Variants in RORB observed in about 807,000 individuals in gnomAD.
RORB encodes nuclear receptor ROR-beta.
A neutral mutation model predicts 59.1 loss-of-function variants in RORB; 6 were observed. The observed-to-expected ratio is 0.10, with a 90% CI of 0.06 to 0.20. The LOEUF is 0.20. RORB is among the 10% of genes least tolerant of loss of function. RORB has a pLI of 1.00. For synonymous variants in RORB, 215 were observed against 204.5 expected (o/e 1.05, Z -0.44); for missense variants, 320 against 560.5 (o/e 0.57, Z 4.33).
chr9:74,640,626 A>G (rs1474606025), intron 3 of RORB, among the ~76,000 whole-genome samples: 2 of 152,176 alleles, frequency 1.3e-5, no homozygotes, highest in Admixed American at 1.3e-4. Context: ...ATACAGAAAG[A>G]GTTTGGCTTC....
intron 1 of RORB, among the ~76,000 whole-genome samples, chr9:74,565,811 C>T (rs1389374468): frequency 2.6e-5 from 4 of 152,048 alleles, no homozygotes; most frequent in Non-Finnish European, 4.4e-5. Flanking sequence ...AGATCTCCTA[C>T]TTTCATCATC....
Position 74,692,396 on chromosome 9 carries a change from T to C in RORB, c.*6778T>C, listed in dbSNP as rs1420550666. ...AAATCCCTAACAATGCTTCCTTGCT[T>C]TTAGGATTGAGAGAAATGATTTTCA... On this transcript the variant is annotated 3_prime_UTR_variant, in exon 10 of 10. Transcript: ENST00000376896. 2.0e-5 allele frequency: 3 copies of C among 152,200 alleles called. No individual in the cohort carries two copies. Among genetic ancestry groups the C allele is most frequent in the African/African-American group, 4.8e-5 (2 of 41,444 alleles). 9.4% of individuals were successfully genotyped at this position (152,200 alleles called of 1,614,324 possible).
chr9:74,660,606 T>G lies in RORB; in HGVS notation c.638-11T>G. ...ATTCACAAACCTTTGAATTGATATC[T>G]TTTCTCACAGACCGAATTGCACAGA... On this transcript the variant is annotated splice_polypyrimidine_tract_variant and intron_variant, in intron 4 of 9. Coordinates refer to ENST00000376896, the MANE Select transcript of RORB (RefSeq NM_006914.4). 6.2e-7 allele frequency: 1 copy of G among 1,603,726 alleles called. No homozygotes were observed.
At chr9:74,647,797 C>T (rs545954207) in intron 4 of RORB, among the ~76,000 whole-genome samples, 1 of 152,262 alleles carries the variant, frequency 6.6e-6, no homozygotes, top group Non-Finnish European at 1.5e-5. Context: ...CATAAAAATA[C>T]AGAAGATTTT....
chr9:74,563,585 A>C (rs952323631), intron 1 of RORB, among the ~76,000 whole-genome samples: 3 of 152,148 alleles, frequency 2.0e-5, no homozygotes, highest in African/African-American at 7.2e-5. Context: ...TGTTTCCTCC[A>C]TATGGATTTG....
intron 8 of RORB, 37 bp downstream of exon 8, chr9:74,667,938 C>T (rs760453862): frequency 2.2e-6 from 3 of 1,340,058 alleles, no homozygotes; most frequent in African/African-American, 1.4e-5. Context: ...TTTTAAAAAA[C>T]TTGTTTTACT....
At chr9:74,661,753 T>C (rs1281136578) in intron 5 of RORB, among the ~76,000 whole-genome samples, 1 of 143,752 alleles carries the variant, frequency 7.0e-6, no homozygotes, top group Non-Finnish European at 1.5e-5. Flanking sequence ...CACGCCATTC[T>C]CCTGCCTCAG....
chr9:74,595,301 A>T (rs1822954289), intron 1 of RORB, among the ~76,000 whole-genome samples: 1 of 152,212 alleles, frequency 6.6e-6, no homozygotes, highest in Admixed American at 6.5e-5. Flanking sequence ...GCCTTCCCTG[A>T]AGCTCATGGC....
chr9:74,504,172 GA>G (rs926445739), intron 1 of RORB, among the ~76,000 whole-genome samples: 1 of 151,972 alleles, frequency 6.6e-6, no homozygotes, highest in Non-Finnish European at 1.5e-5. Context: ...GTGCATATCT[GA>G]GGAGCAAGAA....
rs555768171 is a variant in RORB at position 74,580,785 on chromosome 9, G to C, written c.8-49497G>C. Among the ~76,000 whole-genome samples the C allele has an allele frequency of 8.5e-5, 13 of 152,238 alleles. No individual in the cohort carries two copies. In the East Asian group the frequency reaches 2.5e-3, roughly 29 times the overall value. On this transcript the variant is annotated intron_variant, in intron 1 of 9. Coordinates refer to ENST00000376896, the MANE Select transcript of RORB (RefSeq NM_006914.4). The stretch of plus-strand genomic sequence containing the variant: ...TTTTATAGTGATGTCATCTTACCTT[G>C]GGGTAGCCACTGAAATAAACTGTGC...
intron 9 of RORB, among the ~76,000 whole-genome samples, chr9:74,684,022 A>AT (rs1279077875): frequency 6.6e-6 from 1 of 152,146 alleles, no homozygotes; most frequent in Admixed American, 6.5e-5. Context: ...AAGATTCCGC[A>AT]TTTTTCATTT....
chr9:74,609,415 G>A (rs1309224155), intron 1 of RORB, among the ~76,000 whole-genome samples: 21 of 152,030 alleles, frequency 1.4e-4, no homozygotes. Context: ...CAACTCAAAG[G>A]ATAAATTAAT....
intron 1 of RORB, among the ~76,000 whole-genome samples, chr9:74,588,719 A>G (rs1423714881): frequency 1.3e-5 from 2 of 152,240 alleles, no homozygotes; most frequent in East Asian, 3.9e-4. Flanking sequence ...TATTCATTAC[A>G]TAAGTACTGG....
intron 1 of RORB, among the ~76,000 whole-genome samples, chr9:74,604,042 C>A (rs545168981): frequency 1.3e-5 from 1 of 75,830 alleles, no homozygotes; most frequent in Non-Finnish European, 3.1e-5. Flanking sequence ...GTAGCTTAAG[C>A]ACTAAATATT....
chr9:74,619,773 A>T lies in RORB; in HGVS notation c.8-10509A>T, dbSNP rs184486335. On this transcript the variant is annotated intron_variant, in intron 1 of 9. Transcript: ENST00000376896. ...GAAGGGCTGTTGAATTTTGTCGAAG[A>T]CCTTTTCTGCATCTATTGAGATAAT... Among the ~76,000 whole-genome samples, 731 of 151,648 alleles carry T rather than the reference A, an allele frequency of 4.8e-3. 3 individuals carry two copies. The highest frequency in any genetic ancestry group is 0.017 in the African/African-American group (691 of 41,358).
chr9:74,586,241 T>C (rs1345037817), intron 1 of RORB, among the ~76,000 whole-genome samples: 1 of 151,740 alleles, frequency 6.6e-6, no homozygotes, highest in Non-Finnish European at 1.5e-5. Context: ...CTCATGCCTG[T>C]AAACCCAGCA....
chr9:74,645,313 T>C lies in RORB; in HGVS notation c.637+2498T>C, dbSNP rs73650029. Reference sequence around the variant, plus strand: ...TGTCTTTCCTGCACCGTCCAAAACATTGACACTCATTTCACTAAAATATTA... The same window carrying C: ...TGTCTTTCCTGCACCGTCCAAAACACTGACACTCATTTCACTAAAATATTA... On this transcript the variant is annotated intron_variant, in intron 4 of 9. Coordinates refer to ENST00000376896, the MANE Select transcript of RORB (RefSeq NM_006914.4). Among the ~76,000 whole-genome samples the C allele has an allele frequency of 1.9e-4, 29 of 152,244 alleles. No individual in the cohort carries two copies. The East Asian group carries it at 3.1e-3, about 16-fold the overall frequency.
At chr9:74,591,769 A>G (rs1822897558) in intron 1 of RORB, among the ~76,000 whole-genome samples, 1 of 152,220 alleles carries the variant, frequency 6.6e-6, no homozygotes, top group South Asian at 2.1e-4. Flanking sequence ...GGATTCCAGT[A>G]GATAGATTAA....
intron 9 of RORB, among the ~76,000 whole-genome samples, chr9:74,675,576 C>G (rs1471328136): frequency 6.6e-6 from 1 of 152,110 alleles, no homozygotes; most frequent in Non-Finnish European, 1.5e-5. Context: ...GGATATTTTA[C>G]TGTTATAAAA....
Sources: allele counts gnomAD v4.1 joint callset (sites outside exome capture counted in the v4.1 genomes callset), GRCh38; gene constraint gnomAD v4.1.1; transcripts MANE v1.5; gene names NCBI Gene and HGNC (gene_info 2026-07-23, HGNC 2026-07-21).